Variants in TNR observed in about 807,000 individuals in gnomAD.
TNR encodes tenascin R.
In TNR, 45 loss-of-function variants were observed where a neutral mutation model predicts 150.4. That is an observed-to-expected ratio of 0.30 (90% confidence interval 0.24 to 0.38). TNR has a LOEUF of 0.38. Among genes scored for constraint, TNR ranks in the 10% least tolerant of loss-of-function variants. The pLI, the probability that TNR is intolerant of heterozygous loss-of-function variation, is 1.00. For synonymous variants in TNR, 687 were observed against 678.4 expected (o/e 1.01, Z -0.20); for missense variants, 1,544 against 1,759.1 (o/e 0.88, Z 2.19).
chr1:175,723,637 C>T (rs1002759173), intron 1 of TNR, among the ~76,000 whole-genome samples: 3 of 152,064 alleles, frequency 2.0e-5, no homozygotes, highest in African/African-American at 7.3e-5. Context: ...TTTGGGAGGC[C>T]GAAGCGAGTG....
chr1:175,706,544 A>G (rs1419953720), intron 1 of TNR, among the ~76,000 whole-genome samples: 5 of 152,164 alleles, frequency 3.3e-5, no homozygotes, highest in Non-Finnish European at 5.9e-5. Context: ...CTTTCCACCC[A>G]GCTGAGCTCT....
chr1:175,482,978 T>C (rs1657868750), intron 2 of TNR, among the ~76,000 whole-genome samples: 2 of 152,204 alleles, frequency 1.3e-5, no homozygotes, highest in South Asian at 4.1e-4. Flanking sequence ...GTGTCTTGTA[T>C]GAAATGGGAA....
chr1:175,475,079 C>T (rs2102122117), intron 2 of TNR, among the ~76,000 whole-genome samples: 1 of 152,282 alleles, frequency 6.6e-6, no homozygotes, highest in South Asian at 2.1e-4. Flanking sequence ...ATCCCAGAGG[C>T]CCCCTGGATG....
At chr1:175,737,888 T>A (rs1193382300) in intron 1 of TNR, among the ~76,000 whole-genome samples, 2 of 152,196 alleles carry the variant, frequency 1.3e-5, no homozygotes, top group Admixed American at 1.3e-4. Flanking sequence ...TCCCCCATTA[T>A]GAAGTTTCAC....
At chr1:175,360,061 A>G (rs1303912838) in intron 14 of TNR, among the ~76,000 whole-genome samples, 3 of 152,232 alleles carry the variant, frequency 2.0e-5, no homozygotes, top group South Asian at 2.1e-4. Context: ...CAACATTTAA[A>G]TCTAGATGGA....
Position 175,331,050 on chromosome 1 carries a change from T to TTTCTTTCTTTCTTTCTTTCCTTCC in TNR, c.3632-816_3632-815insGGAAGGAAAGAAAGAAAGAAAGAA, listed in dbSNP as rs1557867595. Among the ~76,000 whole-genome samples the TTTCTTTCTTTCTTTCTTTCCTTCC allele has an allele frequency of 9.4e-5, 9 of 95,762 alleles. 1 individual carries two copies. The highest frequency in any genetic ancestry group is 3.7e-4 in the African/African-American group (9 of 24,094). The allele number at this position is 95,762 out of a possible 152,430, so 62.8% of individuals were successfully genotyped here. ...CTTTCTTTCTTTCTTTCTTTCTTTC[T>TTTCTTTCTTTCTTTCTTTCCTTCC]TTCTTTCTTTCTTTCTTTCTTTCTT... On this transcript the variant is annotated intron_variant, in intron 20 of 22. Transcript: ENST00000367674.
intron 1 of TNR, among the ~76,000 whole-genome samples, chr1:175,730,744 T>A (rs1482789448): frequency 2.0e-5 from 3 of 152,078 alleles, no homozygotes; most frequent in South Asian, 2.1e-4. Context: ...TGGTGATAAA[T>A]GTGATAAACA....
At chr1:175,527,615 C>A (rs1252998810) in intron 2 of TNR, among the ~76,000 whole-genome samples, 1 of 152,132 alleles carries the variant, frequency 6.6e-6, no homozygotes, top group Admixed American at 6.5e-5. Context: ...AGTTTGAGTG[C>A]CATGGAAAGT....
chr1:175,504,434 T>G (rs1658869203), intron 2 of TNR, among the ~76,000 whole-genome samples: 1 of 152,114 alleles, frequency 6.6e-6, no homozygotes, highest in Non-Finnish European at 1.5e-5. Context: ...GAATCGACAC[T>G]TTGTGCAGCT....
intron 1 of TNR, among the ~76,000 whole-genome samples, chr1:175,603,894 C>T (rs544176245): frequency 4.6e-5 from 7 of 152,178 alleles, no homozygotes; most frequent in African/African-American, 1.4e-4. Context: ...CAGGAGACAG[C>T]CTGAGAAACG....
intron 1 of TNR, among the ~76,000 whole-genome samples, chr1:175,565,722 T>C (rs961467965): frequency 6.6e-6 from 1 of 152,200 alleles, no homozygotes; most frequent in Non-Finnish European, 1.5e-5. Flanking sequence ...CAAGACTTAC[T>C]TAAAAGGATG....
At chr1:175,528,805 A>G (rs924036234) in intron 1 of TNR, among the ~76,000 whole-genome samples, 2 of 152,054 alleles carry the variant, frequency 1.3e-5, no homozygotes, top group African/African-American at 2.4e-5. Flanking sequence ...AAGCATTCCT[A>G]TGTTGTGAAA....
chr1:175,708,028 G>C (rs956874213), intron 1 of TNR, among the ~76,000 whole-genome samples: 3 of 148,036 alleles, frequency 2.0e-5, no homozygotes, highest in Admixed American at 6.6e-5. Flanking sequence ...TTGTGTGTGT[G>C]TGTGTGTGTG....
intron 1 of TNR, among the ~76,000 whole-genome samples, chr1:175,586,088 C>A (rs550363943): frequency 2.0e-5 from 3 of 152,036 alleles, no homozygotes; most frequent in African/African-American, 7.3e-5. Flanking sequence ...GAGATGAGTA[C>A]GGGACTGGAA....
chr1:175,612,605 C>A (rs891553603), intron 1 of TNR, among the ~76,000 whole-genome samples: 1 of 152,134 alleles, frequency 6.6e-6, no homozygotes, highest in African/African-American at 2.4e-5. Context: ...ACCCAAAACC[C>A]CCCACTTTTC....
chr1:175,334,910 T>C (rs1981473), intron 20 of TNR, among the ~76,000 whole-genome samples: 8,930 of 152,270 alleles, frequency 0.059, 300 homozygotes, highest in Middle Eastern at 0.2. Flanking sequence ...TGGGTGATTA[T>C]AGCCATGTGG....
At chr1:175,543,290 C>T (rs1412362725) in intron 1 of TNR, among the ~76,000 whole-genome samples, 2 of 152,098 alleles carry the variant, frequency 1.3e-5, no homozygotes, top group Non-Finnish European at 2.9e-5. Context: ...GCAGAGAATG[C>T]AGCTGCAGAG....
intron 4 of TNR, among the ~76,000 whole-genome samples, chr1:175,400,626 C>T (rs1444915521): frequency 6.6e-6 from 1 of 152,138 alleles, no homozygotes; most frequent in Non-Finnish European, 1.5e-5. Context: ...GAATGCAATC[C>T]ACACAATGGG....
At chr1:175,349,500 T>C (rs1650957117) in intron 18 of TNR, among the ~76,000 whole-genome samples, 1 of 152,194 alleles carries the variant, frequency 6.6e-6, no homozygotes, top group African/African-American at 2.4e-5. Context: ...ATGAATTATG[T>C]AACCCAATAC....
Sources: gnomAD v4.1 joint callset for allele counts (sites outside exome capture counted in the v4.1 genomes callset) on GRCh38, gnomAD v4.1.1 for gene constraint, MANE v1.5 for transcripts, NCBI Gene and HGNC (gene_info 2026-07-23, HGNC 2026-07-21) for gene names.